The following FAT3 variants were observed in gnomAD, a reference collection of about 807,000 sequenced individuals.
FAT3 encodes the protein protocadherin Fat 3.
A neutral mutation model predicts 310.2 loss-of-function variants in FAT3; 95 were observed. That is an observed-to-expected ratio of 0.31 (90% CI 0.26 to 0.36). The LOEUF (loss-of-function observed/expected upper bound fraction) is 0.36, where lower values mean the gene tolerates loss of function less well. Ranked by LOEUF, FAT3 falls within the 10% of genes least tolerant of loss-of-function variation. The pLI is 1.00. For synonymous variants in FAT3, 2,314 were observed against 2,192.9 expected (o/e 1.06, Z -1.54); for missense variants, 5,408 against 5,715.6 (o/e 0.95, Z 1.74).
In FAT3 at chr11:92,798,070, T is replaced by C; in HGVS notation, c.5057T>C (p.Ile1686Thr). 6.2e-7 allele frequency: 1 copy of C among 1,613,890 alleles called. No homozygotes were observed. Among genetic ancestry groups the C allele is most frequent in the Non-Finnish European group, 8.5e-7 (1 of 1,179,850 alleles). The change falls in exon 10 of 28, where the codon ATT (isoleucine) becomes ACT (threonine). Residue 1686 changes from isoleucine (I) to threonine (T), a missense_variant. This residue lies in a region of FAT3 where 4,588 missense variants were observed against 4,809.8 expected (regional missense o/e 0.95). Coordinates refer to ENST00000525166, the MANE Select transcript of FAT3 (RefSeq NM_001367949.2). ...GCAGAAGTAAATGAAAATGTTGACA[T>C]TGGAACATCAGTCATTCTAATCTCT... ...YQAEVNENVDIGTSVILISAI... is the reference protein window; with the variant it reads ...YQAEVNENVDTGTSVILISAI...
chr11:92,699,077 T>C (rs1448574291), intron 4 of FAT3, among the ~76,000 whole-genome samples: 1 of 152,212 alleles, frequency 6.6e-6, no homozygotes, highest in Non-Finnish European at 1.5e-5. Context: ...CCTGAATGGA[T>C]TCACATCCTC....
chr11:92,411,111 AAT>A (rs34161584), intron 2 of FAT3, among the ~76,000 whole-genome samples: 33 of 35,030 alleles, frequency 9.4e-4, no homozygotes, highest in Non-Finnish European at 2.1e-3. Flanking sequence ...TATATATAAA[AAT>A]ATATATATTT....
At chr11:92,672,637 C>T (rs1163290534) in intron 3 of FAT3, among the ~76,000 whole-genome samples, 1 of 152,098 alleles carries the variant, frequency 6.6e-6, no homozygotes, top group South Asian at 2.1e-4. Flanking sequence ...TACACAGATA[C>T]ACAGATTAAG....
intron 3 of FAT3, among the ~76,000 whole-genome samples, chr11:92,674,717 CG>C (rs1943235012): frequency 6.6e-6 from 1 of 151,794 alleles, no homozygotes. Flanking sequence ...TGTGTGGAGA[CG>C]GGGTCTCGCT....
chr11:92,441,935 A>G (rs1951072324), intron 2 of FAT3, among the ~76,000 whole-genome samples: 1 of 151,292 alleles, frequency 6.6e-6, no homozygotes, highest in South Asian at 2.1e-4. Flanking sequence ...TCAAATACCC[A>G]CTTTCAGCAG....
chr11:92,623,129 A>T (rs1156513538), intron 3 of FAT3, among the ~76,000 whole-genome samples: 1 of 148,266 alleles, frequency 6.7e-6, no homozygotes, highest in East Asian at 2.0e-4. Context: ...AATAAACCAA[A>T]TGCAAACACT....
intron 1 of FAT3, among the ~76,000 whole-genome samples, chr11:92,265,627 G>T: frequency 6.6e-6 from 1 of 152,024 alleles, no homozygotes; most frequent in East Asian, 1.9e-4. Context: ...ATAAATAACA[G>T]AAATTTATTT....
At chr11:92,527,772 A>G (rs1416351793) in intron 3 of FAT3, among the ~76,000 whole-genome samples, 1 of 152,080 alleles carries the variant, frequency 6.6e-6, no homozygotes. Flanking sequence ...TTACATCAAT[A>G]TAACATTTTT....
chr11:92,777,546 C>G (rs1399650709), intron 7 of FAT3, among the ~76,000 whole-genome samples: 1 of 152,142 alleles, frequency 6.6e-6, no homozygotes, highest in Non-Finnish European at 1.5e-5. Flanking sequence ...CAAAAACCTC[C>G]TAGCAAGATG....
chr11:92,567,973 A>G (rs1955526883), intron 3 of FAT3, among the ~76,000 whole-genome samples: 1 of 152,144 alleles, frequency 6.6e-6, no homozygotes, highest in South Asian at 2.1e-4. Context: ...GTGCACCCGC[A>G]TGGCACATGT....
At chr11:92,299,259 C>T (rs1946929569) in intron 1 of FAT3, among the ~76,000 whole-genome samples, 2 of 152,060 alleles carry the variant, frequency 1.3e-5, no homozygotes, top group African/African-American at 4.8e-5. Flanking sequence ...TATTAGGCAT[C>T]CTGGAAGTAC....
chr11:92,762,431 C>T (rs1405657453), intron 5 of FAT3, among the ~76,000 whole-genome samples: 1 of 152,140 alleles, frequency 6.6e-6, no homozygotes. Context: ...TCACCACATA[C>T]TCAACCACTC....
At chr11:92,293,549 T>TATATATATAA (rs1946765942) in intron 1 of FAT3, among the ~76,000 whole-genome samples, 1 of 16,658 alleles carries the variant, frequency 6.0e-5, no homozygotes, top group South Asian at 1.3e-3. Flanking sequence ...TATATATATA[T>TATATATATAA]ATAAATAAAA....
intron 2 of FAT3, chr11:92,367,041 C>A (rs1025669095): frequency 4.5e-5 from 23 of 507,086 alleles, no homozygotes; most frequent in Non-Finnish European, 1.6e-5. Context: ...TAACATCTAG[C>A]ACTGTCCGGA....
Position 92,889,257 on chromosome 11 carries a change from T to G in FAT3, c.13111+9T>G, listed in dbSNP as rs77494501. On this transcript the variant is annotated intron_variant, in intron 26 of 27. Coordinates refer to ENST00000525166, the MANE Select transcript of FAT3 (RefSeq NM_001367949.2). ...CACTATAGAGAATGAAGGTATTTAC[T>G]TTTTTTCTTCCATAGCATTTCTTGA... is the stretch of plus-strand genomic sequence containing the variant. 3 of 700,404 alleles carry G rather than the reference T, an allele frequency of 4.3e-6. No homozygotes were observed. The highest frequency in any genetic ancestry group is 4.2e-5 in the Admixed American group (2 of 47,574). The allele number at this position is 700,404 out of a possible 1,614,324, so 43.4% of individuals were successfully genotyped here.
intron 1 of FAT3, among the ~76,000 whole-genome samples, chr11:92,247,219 G>A (rs1448057360): frequency 2.0e-5 from 3 of 151,956 alleles, no homozygotes; most frequent in Non-Finnish European, 4.4e-5. Flanking sequence ...AGGTTAGCAG[G>A]GTGGACCTTG....
chr11:92,834,085 A>C (rs1447092916), intron 14 of FAT3, among the ~76,000 whole-genome samples: 1 of 152,212 alleles, frequency 6.6e-6, no homozygotes, highest in Admixed American at 6.5e-5. Flanking sequence ...GCCCTTGAGA[A>C]GTGTTCTGCA....
intron 2 of FAT3, among the ~76,000 whole-genome samples, chr11:92,467,821 C>T (rs1170536028): frequency 6.6e-6 from 1 of 152,176 alleles, no homozygotes; most frequent in African/African-American, 2.4e-5. Flanking sequence ...CCTAGGACTG[C>T]AGCATTAACT....
At position 92,851,574 on chromosome 11, in the gene FAT3, G is replaced by A. The variant is rs1027263119; in HGVS notation, c.11366-5640G>A. Among the ~76,000 whole-genome samples, 9 of 152,202 alleles carry A rather than the reference G, an allele frequency of 5.9e-5. No homozygotes were observed. In the South Asian group the frequency reaches 1.9e-3, roughly 32 times the overall value. On this transcript the variant is annotated intron_variant, in intron 19 of 27. Coordinates refer to ENST00000525166, the MANE Select transcript of FAT3 (RefSeq NM_001367949.2). Reference sequence around the variant, plus strand: ...CTTCCCAAGAGAAACTGGGAATGGGGAACAGAGCTTACTCTGCCATTTTTG... The same window carrying A: ...CTTCCCAAGAGAAACTGGGAATGGGAAACAGAGCTTACTCTGCCATTTTTG...
Sources: allele counts gnomAD v4.1 joint callset (sites outside exome capture counted in the v4.1 genomes callset), GRCh38; gene constraint gnomAD v4.1.1; regional missense constraint gnomAD v4.1.1; transcripts MANE v1.5; gene names NCBI Gene and HGNC (gene_info 2026-07-23, HGNC 2026-07-21).